CADM2: variants seen among roughly 807,000 people sequenced by gnomAD.
The protein encoded by CADM2 is cell adhesion molecule 2, also known as immunoglobulin superfamily member 4D.
A neutral mutation model predicts 49.8 loss-of-function variants in CADM2; 12 were observed. The observed-to-expected ratio is 0.24, with a 90% CI of 0.15 to 0.39. The LOEUF (loss-of-function observed/expected upper bound fraction) is 0.39, where lower values mean the gene tolerates loss of function less well. Ranked by LOEUF, CADM2 falls within the 10% of genes least tolerant of loss-of-function variation. The pLI is 1.00. For missense variants in CADM2, 378 were observed against 492.3 expected (o/e 0.77, Z 2.20); for synonymous variants, 214 against 175.4 (o/e 1.22, Z -1.74).
chr3:85,198,169 A>C (rs963761762), intron 1 of CADM2, among the ~76,000 whole-genome samples: 5 of 151,908 alleles, frequency 3.3e-5, no homozygotes, highest in Admixed American at 3.3e-4. Context: ...AATTAACAGA[A>C]TTATAATTTT....
chr3:86,012,617 G>A, intron 8 of CADM2: 1 of 1,582,226 alleles, frequency 6.3e-7, no homozygotes, highest in Non-Finnish European at 8.6e-7. Context: ...GTCCGACCTG[G>A]CCTTCTTCAG....
intron 1 of CADM2, among the ~76,000 whole-genome samples, chr3:85,264,898 A>C (rs188625732): frequency 2.0e-5 from 3 of 152,204 alleles, no homozygotes; most frequent in African/African-American, 7.2e-5. Flanking sequence ...TGGCTATTTC[A>C]AGCCAATACC....
At chr3:85,620,396 A>G (rs984078815) in intron 1 of CADM2, among the ~76,000 whole-genome samples, 7 of 152,060 alleles carry the variant, frequency 4.6e-5, no homozygotes, top group African/African-American at 1.7e-4. Flanking sequence ...ACACTTACGT[A>G]TAAAGATGAT....
At chr3:85,689,894 G>T (rs748521077) in intron 1 of CADM2, among the ~76,000 whole-genome samples, 2 of 152,172 alleles carry the variant, frequency 1.3e-5, no homozygotes, top group Non-Finnish European at 2.9e-5. Flanking sequence ...GGAGTAGTAA[G>T]AAGTTTGGTA....
intron 1 of CADM2, among the ~76,000 whole-genome samples, chr3:85,509,115 G>A (rs115459686): frequency 0.014 from 2,156 of 152,196 alleles, 50 homozygotes; most frequent in African/African-American, 0.049. Context: ...AGAGCTATGG[G>A]ACGCTAACCA....
chr3:85,944,015 A>C (rs78768075), intron 7 of CADM2, among the ~76,000 whole-genome samples: 2,830 of 152,154 alleles, frequency 0.019, 125 homozygotes, highest in East Asian at 0.13. Context: ...AGTGTGCTGT[A>C]TTCAGGAAAC....
At chr3:85,662,855 A>G (rs2065451936) in intron 1 of CADM2, among the ~76,000 whole-genome samples, 1 of 152,080 alleles carries the variant, frequency 6.6e-6, no homozygotes, top group Non-Finnish European at 1.5e-5. Flanking sequence ...ACATCGTGAG[A>G]GCCAAGAACA....
At position 85,970,961 on chromosome 3, in the gene CADM2, GA is replaced by G. The variant is rs199539354; in HGVS notation, c.970+9323del. Reference sequence around the variant, plus strand: ...TTTTACAGAATGAAAGATAAAAATGGAAAAAAAAAGTCATGCAAGAAATCTT... The same window carrying G: ...TTTTACAGAATGAAAGATAAAAATGGAAAAAAAAGTCATGCAAGAAATCTT... On this transcript the variant is annotated intron_variant, in intron 8 of 9. Coordinates refer to ENST00000383699, the MANE Select transcript of CADM2 (RefSeq NM_001167675.2). Among the ~76,000 whole-genome samples, 63 of 149,468 alleles carry G rather than the reference GA, an allele frequency of 4.2e-4. No homozygotes were observed. The East Asian group carries it at 8.7e-3, about 21-fold the overall frequency.
At chr3:85,482,760 A>G (rs2039265613) in intron 1 of CADM2, among the ~76,000 whole-genome samples, 1 of 151,650 alleles carries the variant, frequency 6.6e-6, no homozygotes, top group Non-Finnish European at 1.5e-5. Flanking sequence ...TATATTCTAC[A>G]GACTTTTTTC....
intron 8 of CADM2, among the ~76,000 whole-genome samples, chr3:85,973,739 A>G (rs185885914): frequency 6.6e-6 from 1 of 151,914 alleles, no homozygotes; most frequent in East Asian, 1.9e-4. Context: ...AGAAATGGAT[A>G]TAGAGCTAGT....
At chr3:85,443,884 G>T (rs938686070) in intron 1 of CADM2, among the ~76,000 whole-genome samples, 1 of 152,062 alleles carries the variant, frequency 6.6e-6, no homozygotes, top group Non-Finnish European at 1.5e-5. Flanking sequence ...TATTTCGGTT[G>T]CCATCTACTC....
intron 2 of CADM2, among the ~76,000 whole-genome samples, chr3:85,752,151 T>C (rs977017588): frequency 1.1e-4 from 17 of 152,056 alleles, no homozygotes; most frequent in African/African-American, 3.9e-4. Context: ...CAAAAGGAGA[T>C]AATGATTTCC....
intron 4 of CADM2, among the ~76,000 whole-genome samples, chr3:85,885,152 A>G (rs1288150622): frequency 6.6e-6 from 1 of 152,120 alleles, no homozygotes; most frequent in Admixed American, 6.5e-5. Context: ...TCTTTAATGC[A>G]ATCTACCTTT....
chr3:85,276,063 A>G (rs570682559), intron 1 of CADM2, among the ~76,000 whole-genome samples: 4 of 151,520 alleles, frequency 2.6e-5, no homozygotes, highest in African/African-American at 9.6e-5. Flanking sequence ...GATGCTTATT[A>G]TGAAATGATA....
intron 1 of CADM2, among the ~76,000 whole-genome samples, chr3:84,985,246 T>C (rs2032485755): frequency 6.6e-6 from 1 of 152,190 alleles, no homozygotes; most frequent in African/African-American, 2.4e-5. Flanking sequence ...TTATGAACTA[T>C]ATTATATTAA....
At chr3:85,034,276 G>GC (rs1210803773) in intron 1 of CADM2, among the ~76,000 whole-genome samples, 1 of 148,674 alleles carries the variant, frequency 6.7e-6, no homozygotes, top group African/African-American at 2.5e-5. Flanking sequence ...CCCCCTTCTT[G>GC]CCCCCCACAC....
At chr3:85,673,792 G>A (rs2107640192) in intron 1 of CADM2, among the ~76,000 whole-genome samples, 1 of 152,296 alleles carries the variant, frequency 6.6e-6, no homozygotes, top group East Asian at 1.9e-4. Flanking sequence ...GATGTGGCAT[G>A]TGTAGGATAT....
rs573496924 is a variant in CADM2 at position 85,823,931 on chromosome 3, T to C, written c.238+21735T>C. 3.9e-5 allele frequency among the ~76,000 whole-genome samples: 6 copies of C among 152,118 alleles called. No individual in the cohort carries two copies. In the East Asian group the frequency reaches 1.2e-3, roughly 29 times the overall value. On this transcript the variant is annotated intron_variant, in intron 3 of 9. Transcript: ENST00000383699. ...ATATAGGCAGAAAAATTACAGCCCA[T>C]CCGCGAGATTAGAGAAAAAACAAAA...
chr3:85,888,753 G>A (rs375477755), intron 5 of CADM2, among the ~76,000 whole-genome samples: 3 of 152,008 alleles, frequency 2.0e-5, no homozygotes, highest in Non-Finnish European at 4.4e-5. Flanking sequence ...TAAAGACTAC[G>A]GCACAAAGTA....
Sources: allele counts gnomAD v4.1 joint callset (sites outside exome capture counted in the v4.1 genomes callset), GRCh38; gene constraint gnomAD v4.1.1; transcripts MANE v1.5; gene names NCBI Gene and HGNC (gene_info 2026-07-23, HGNC 2026-07-21).